Variants in MYT1L observed in about 807,000 individuals in gnomAD.
MYT1L encodes myelin transcription factor 1-like protein.
A neutral mutation model predicts 126.7 loss-of-function variants in MYT1L; 12 were observed. That is an observed-to-expected ratio of 0.09 (90% CI 0.06 to 0.15). MYT1L has a LOEUF of 0.15. Ranked by LOEUF, MYT1L falls within the 10% of genes least tolerant of loss-of-function variation. MYT1L has a pLI of 1.00. For synonymous variants in MYT1L, 541 were observed against 604.2 expected (o/e 0.90, Z 1.53); for missense variants, 979 against 1,585.2 (o/e 0.62, Z 6.49).
At chr2:1,862,279 C>CA (rs1051186207) in intron 18 of MYT1L, among the ~76,000 whole-genome samples, 3 of 149,886 alleles carry the variant, frequency 2.0e-5, no homozygotes, top group Admixed American at 6.6e-5. Context: ...AAAAAAAAAT[C>CA]AAAAAATCTT....
chr2:1,943,615 T>C lies in MYT1L; in HGVS notation c.153-281A>G, dbSNP rs1185375653. 3.3e-5 allele frequency among the ~76,000 whole-genome samples: 5 copies of C among 152,194 alleles called. No homozygotes were observed. Among genetic ancestry groups the C allele is most frequent in the African/African-American group, 1.2e-4 (5 of 41,440 alleles). ...TTCCTCGTTCCTATAATTCCAGAGA[T>C]CCTACGAAAATTCATGAGATTGGTT... On this transcript the variant is annotated intron_variant, in intron 8 of 24. Coordinates refer to ENST00000647738, the MANE Select transcript of MYT1L (RefSeq NM_001303052.2). The surrounding 1 kb of genome is among the most constrained non-coding windows in gnomAD (Gnocchi z 4.4).
At chr2:2,175,075 C>T (rs952854796) in intron 2 of MYT1L, among the ~76,000 whole-genome samples, 2 of 152,020 alleles carry the variant, frequency 1.3e-5, no homozygotes, top group Non-Finnish European at 2.9e-5. Flanking sequence ...AGTGTGAATT[C>T]GTAGCTTTGA....
At chr2:1,924,532 T>C (rs879300416) in intron 9 of MYT1L, among the ~76,000 whole-genome samples, 1 of 152,186 alleles carries the variant, frequency 6.6e-6, no homozygotes, top group Non-Finnish European at 1.5e-5. Flanking sequence ...GCTCTGGTGT[T>C]TTCTCTATGG....
intron 13 of MYT1L, among the ~76,000 whole-genome samples, chr2:1,909,797 G>A (rs1258025054): frequency 1.3e-5 from 2 of 152,184 alleles, no homozygotes; most frequent in African/African-American, 4.8e-5. Context: ...GCACGCGAGA[G>A]CTTCCACACG....
rs2093635591 is a variant in MYT1L, at chr2:2,214,914, T to C, written c.-420-41926A>G. 2.0e-5 allele frequency among the ~76,000 whole-genome samples: 3 copies of C among 152,154 alleles called. 1 individual carries two copies. The South Asian group carries it at 6.2e-4, about 32-fold the overall frequency. ...TTGTAACATATATAAAAATAAAATGTATGATAATAGCACAAATGCTAAGAG... is the reference window on the plus strand; with the variant it reads ...TTGTAACATATATAAAAATAAAATGCATGATAATAGCACAAATGCTAAGAG... On this transcript the variant is annotated intron_variant, in intron 2 of 24. Coordinates refer to ENST00000647738, the MANE Select transcript of MYT1L (RefSeq NM_001303052.2).
At chr2:1,808,861 G>A (rs1032360826) in intron 22 of MYT1L, among the ~76,000 whole-genome samples, 2 of 152,162 alleles carry the variant, frequency 1.3e-5, no homozygotes, top group African/African-American at 2.4e-5. Context: ...TCATGATTCC[G>A]GTGAGCAGTG....
chr2:2,116,362 C>G (rs1202539229), intron 3 of MYT1L, among the ~76,000 whole-genome samples: 1 of 152,224 alleles, frequency 6.6e-6, no homozygotes, highest in African/African-American at 2.4e-5. Context: ...TCTTCCCAAC[C>G]TGCATTCTTG....
chr2:1,892,236 T>A lies in MYT1L; in HGVS notation c.2084A>T (p.Tyr695Phe). Residue 695 changes from tyrosine to phenylalanine, a missense_variant, in exon 15 of 25, where the codon TAC becomes TTC. Physicochemically the swap from Tyr to Phe is conservative, Grantham distance 22. Around this residue, in one of 12 missense-constraint regions of MYT1L, gnomAD observed 57 missense variants for 60.3 expected, o/e 0.94. Coordinates refer to ENST00000647738, the MANE Select transcript of MYT1L (RefSeq NM_001303052.2). Reference protein sequence around the residue: ...PSPSSSSTSSYAPSSSSNLSC... With the variant: ...PSPSSSSTSSFAPSSSSNLSC... ...CAGGTTGCTGCTGCTGCTGGGCGCG[T>A]AGCTGCTGGTGCTGCTGCTGCTGGG... is the stretch of plus-strand genomic sequence containing the variant. The A allele has an allele frequency of 6.5e-7, 1 of 1,549,924 alleles. No homozygotes were observed. The highest frequency in any genetic ancestry group is 1.2e-5 in the South Asian group (1 of 83,988).
chr2:2,120,877 A>G (rs1403688317), intron 3 of MYT1L, among the ~76,000 whole-genome samples: 1 of 151,130 alleles, frequency 6.6e-6, no homozygotes, highest in Non-Finnish European at 1.5e-5. Context: ...AGCTGTCCCC[A>G]TTGAGTGCGC....
chr2:2,266,816 C>T (rs1267399060), intron 2 of MYT1L, among the ~76,000 whole-genome samples: 1 of 152,198 alleles, frequency 6.6e-6, no homozygotes, highest in African/African-American at 2.4e-5. Context: ...TCCCCTTTTG[C>T]TTGCCTCTCC....
At chr2:2,045,154 T>C (rs1488603171) in intron 4 of MYT1L, among the ~76,000 whole-genome samples, 1 of 152,212 alleles carries the variant, frequency 6.6e-6, no homozygotes, top group African/African-American at 2.4e-5. Context: ...ACTGTGTTTT[T>C]CTCACCTTCC....
chr2:2,124,139 C>A (rs771915940), intron 3 of MYT1L, among the ~76,000 whole-genome samples: 1 of 152,202 alleles, frequency 6.6e-6, no homozygotes, highest in African/African-American at 2.4e-5. Flanking sequence ...GCCACCCACT[C>A]GCTTTTGGGT....
intron 8 of MYT1L, among the ~76,000 whole-genome samples, chr2:1,948,958 T>TA (rs35399165): frequency 0.27 from 40,374 of 152,080 alleles, 5,471 homozygotes; most frequent in African/African-American, 0.33. Context: ...ATTTTTAGGA[T>TA]GATGATATTT....
At chr2:2,037,459 T>A (rs997138495) in intron 4 of MYT1L, among the ~76,000 whole-genome samples, 10 of 151,406 alleles carry the variant, frequency 6.6e-5, no homozygotes, top group African/African-American at 1.5e-4. Context: ...TTTTTTTTTT[T>A]AAACTGTAGC....
intron 3 of MYT1L, among the ~76,000 whole-genome samples, chr2:2,128,112 A>C (rs909835924): frequency 6.6e-6 from 1 of 152,200 alleles, no homozygotes; most frequent in African/African-American, 2.4e-5. Flanking sequence ...CAAACCAGAA[A>C]GGTCACCAGC....
intron 3 of MYT1L, among the ~76,000 whole-genome samples, chr2:2,112,157 T>C (rs1230817447): frequency 6.6e-6 from 1 of 152,152 alleles, no homozygotes; most frequent in Admixed American, 6.5e-5. Flanking sequence ...ATTCTTAGTG[T>C]TTCATGCTCC....
In MYT1L at chr2:2,224,595, G is replaced by A. The variant is rs1036648400; in HGVS notation, c.-420-51607C>T. On this transcript the variant is annotated intron_variant, in intron 2 of 24. Transcript: ENST00000647738. The surrounding 1 kb of genome is among the most constrained non-coding windows in gnomAD (Gnocchi z 4.0). ...AACACTTTGGGAGGTCAAGACGGGC[G>A]GATCACGAGGTCAAGAGATTGAGAC... Among the ~76,000 whole-genome samples, 3 of 152,034 alleles carry A rather than the reference G, an allele frequency of 2.0e-5. No homozygotes were observed. Among genetic ancestry groups the A allele is most frequent in the African/African-American group, 7.2e-5 (3 of 41,402 alleles).
chr2:2,048,751 C>A (rs1481820791), intron 4 of MYT1L, among the ~76,000 whole-genome samples: 1 of 152,146 alleles, frequency 6.6e-6, no homozygotes, highest in Non-Finnish European at 1.5e-5. Context: ...TATTTTCCAA[C>A]TTTGCTTCCA....
intron 4 of MYT1L, among the ~76,000 whole-genome samples, chr2:1,998,516 T>C (rs1222128120): frequency 6.6e-6 from 1 of 152,178 alleles, no homozygotes; most frequent in Non-Finnish European, 1.5e-5. Context: ...CCTAAACCCT[T>C]TCCTTGTGTA....
Sources: allele counts gnomAD v4.1 joint callset (sites outside exome capture counted in the v4.1 genomes callset), GRCh38; gene constraint gnomAD v4.1.1; regional missense constraint gnomAD v4.1.1; non-coding constraint Gnocchi (gnomAD v3.1); transcripts MANE v1.5; gene names NCBI Gene and HGNC (gene_info 2026-07-23, HGNC 2026-07-21).